The following AGBL4 variants were observed in gnomAD, a reference collection of about 807,000 sequenced individuals.
The protein encoded by AGBL4 is cytosolic carboxypeptidase 6.
AGBL4 carries 58 observed loss-of-function variants against 66.4 expected under a neutral mutation model. That is an observed-to-expected ratio of 0.87 (90% confidence interval 0.71 to 1.09). The LOEUF (loss-of-function observed/expected upper bound fraction) is 1.09, where lower values mean the gene tolerates loss of function less well. Among genes scored for constraint, AGBL4 ranks in the 50% least tolerant of loss-of-function variants. The pLI is 0.00. For missense variants in AGBL4, 579 were observed against 631.0 expected (o/e 0.92, Z 0.88); for synonymous variants, 234 against 222.9 (o/e 1.05, Z -0.44).
intron 5 of AGBL4, among the ~76,000 whole-genome samples, chr1:48,873,871 TC>T (rs1274497150): frequency 6.6e-6 from 1 of 152,062 alleles, no homozygotes; most frequent in Middle Eastern, 3.2e-3. Flanking sequence ...AATTCACTTT[TC>T]GTTTTGGTCA....
chr1:49,198,936 A>C (rs1647460654), intron 4 of AGBL4, among the ~76,000 whole-genome samples: 1 of 152,180 alleles, frequency 6.6e-6, no homozygotes, highest in African/African-American at 2.4e-5. Context: ...GCTTGGTATG[A>C]ATTTGTAAAA....
intron 6 of AGBL4, chr1:48,776,849 G>C: frequency 1.3e-6 from 2 of 1,488,482 alleles, no homozygotes; most frequent in Non-Finnish European, 1.8e-6. Flanking sequence ...GCCGGGGGCG[G>C]GCCCCGGTCG....
intron 3 of AGBL4, among the ~76,000 whole-genome samples, chr1:49,373,048 T>C (rs1644399522): frequency 6.6e-6 from 1 of 152,138 alleles, no homozygotes; most frequent in Admixed American, 6.5e-5. Flanking sequence ...CGTGAGCCAC[T>C]GTGCCCAGCC....
At position 48,764,843 on chromosome 1, in the gene AGBL4, C is replaced by T. The variant is rs143522981; in HGVS notation, c.635-101602G>A. Among the ~76,000 whole-genome samples, 260 of 152,284 alleles carry T rather than the reference C, an allele frequency of 1.7e-3. 2 individuals carry two copies. Among genetic ancestry groups the T allele is most frequent in the Non-Finnish European group, 2.5e-3 (171 of 68,022 alleles). ...GAGCCCCGTGCAGACAAAGGTGCAGCGGATGACAGAGCTCAGCAAGGACTG... is the reference window on the plus strand; with the variant it reads ...GAGCCCCGTGCAGACAAAGGTGCAGTGGATGACAGAGCTCAGCAAGGACTG... On this transcript the variant is annotated intron_variant, in intron 6 of 13. Transcript: ENST00000371839.
chr1:49,686,948 G>T (rs891349211), intron 3 of AGBL4, among the ~76,000 whole-genome samples: 1 of 152,078 alleles, frequency 6.6e-6, no homozygotes, highest in African/African-American at 2.4e-5. Flanking sequence ...TGGCATTACA[G>T]GAAAAATACA....
chr1:48,616,497 C>A (rs1380851014), intron 9 of AGBL4, among the ~76,000 whole-genome samples: 5 of 152,162 alleles, frequency 3.3e-5, no homozygotes, highest in African/African-American at 1.2e-4. Context: ...AAGCACAGCG[C>A]ACTGCAAGCC....
intron 2 of AGBL4, among the ~76,000 whole-genome samples, chr1:49,798,561 TGAA>T (rs963626486): frequency 1.3e-5 from 2 of 152,204 alleles, no homozygotes; most frequent in African/African-American, 2.4e-5. Flanking sequence ...GTTTGATTGT[TGAA>T]GAATATAACC....
At chr1:49,729,148 A>G (rs1378899450) in intron 2 of AGBL4, among the ~76,000 whole-genome samples, 1 of 152,200 alleles carries the variant, frequency 6.6e-6, no homozygotes, top group African/African-American at 2.4e-5. Flanking sequence ...TGTCTTTTAA[A>G]GAGGTAGTTT....
At chr1:49,113,713 T>G (rs928652311) in intron 4 of AGBL4, among the ~76,000 whole-genome samples, 27 of 152,242 alleles carry the variant, frequency 1.8e-4, no homozygotes, top group African/African-American at 2.4e-5. Context: ...AACTTGTTAA[T>G]CCATGAGTTG....
At chr1:48,576,617 G>T (rs1295038843) in intron 11 of AGBL4, among the ~76,000 whole-genome samples, 1 of 152,150 alleles carries the variant, frequency 6.6e-6, no homozygotes, top group Non-Finnish European at 1.5e-5. Context: ...AACCAGGGCA[G>T]TTGGTAAACC....
intron 11 of AGBL4, among the ~76,000 whole-genome samples, chr1:48,572,021 G>A (rs1160040119): frequency 2.0e-5 from 3 of 152,122 alleles, no homozygotes; most frequent in Non-Finnish European, 2.9e-5. Context: ...AGCTCAATAG[G>A]TATTACACTA....
At chr1:49,624,250 T>G in intron 3 of AGBL4, among the ~76,000 whole-genome samples, 1 of 152,132 alleles carries the variant, frequency 6.6e-6, no homozygotes. Context: ...GTTACTGTAT[T>G]AAATTAAAAC....
intron 3 of AGBL4, among the ~76,000 whole-genome samples, chr1:49,483,950 A>G (rs1224101230): frequency 6.6e-6 from 1 of 152,080 alleles, no homozygotes; most frequent in Non-Finnish European, 1.5e-5. Context: ...AGATCTGAAT[A>G]TACATCTCTC....
chr1:49,303,599 T>G (rs376028753), intron 3 of AGBL4, among the ~76,000 whole-genome samples: 2 of 151,982 alleles, frequency 1.3e-5, no homozygotes, highest in South Asian at 4.1e-4. Context: ...ATTAAAGGTG[T>G]GAATCACCAT....
intron 1 of AGBL4, among the ~76,000 whole-genome samples, chr1:49,858,230 G>A (rs1385746819): frequency 1.1e-4 from 17 of 152,004 alleles, no homozygotes; most frequent in Admixed American, 1.1e-3. Context: ...TGCAGGCGAG[G>A]AAGAAAAGAA....
At chr1:50,011,930 C>A (rs951610500) in intron 1 of AGBL4, among the ~76,000 whole-genome samples, 2 of 151,950 alleles carry the variant, frequency 1.3e-5, no homozygotes, top group Admixed American at 6.6e-5. Context: ...GAGGCCGAGG[C>A]GGGTGGATCA....
chr1:49,689,557 T>C (rs1380063191), intron 3 of AGBL4, among the ~76,000 whole-genome samples: 2 of 152,172 alleles, frequency 1.3e-5, no homozygotes, highest in African/African-American at 4.8e-5. Context: ...TTCTTCTGGG[T>C]CTATTGTGGC....
chr1:48,769,376 G>A (rs1485781205), intron 6 of AGBL4, among the ~76,000 whole-genome samples: 1 of 152,054 alleles, frequency 6.6e-6, no homozygotes, highest in East Asian at 1.9e-4. Flanking sequence ...TCATTCTATG[G>A]AGCCATTTGT....
Position 48,854,421 on chromosome 1 carries a change from A to G in AGBL4, c.634+12770T>C, listed in dbSNP as rs968655188. Among the ~76,000 whole-genome samples the G allele has an allele frequency of 2.0e-5, 3 of 152,180 alleles. No homozygotes were observed. The East Asian group carries it at 5.8e-4, about 29-fold the overall frequency. ...TCCAAGATATTACAACCACCTGATG[A>G]TAAGTCCCTTCACTGCCCAGAGATT... is the stretch of plus-strand genomic sequence containing the variant. On this transcript the variant is annotated intron_variant, in intron 6 of 13. Coordinates refer to ENST00000371839, the MANE Select transcript of AGBL4 (RefSeq NM_032785.4).
Sources: allele counts gnomAD v4.1 joint callset (sites outside exome capture counted in the v4.1 genomes callset), GRCh38; gene constraint gnomAD v4.1.1; transcripts MANE v1.5; gene names NCBI Gene and HGNC (gene_info 2026-07-23, HGNC 2026-07-21).